Variants in G3BP1 observed in about 807,000 individuals in gnomAD.
G3BP1 encodes ras GTPase-activating protein-binding protein 1.
In G3BP1, 35 loss-of-function variants were observed where a neutral mutation model predicts 58.6. That is an observed-to-expected ratio of 0.60 (90% CI 0.46 to 0.79). G3BP1 has a LOEUF of 0.79. G3BP1 is among the 30% of genes least tolerant of loss of function. The probability of loss-of-function intolerance (pLI) is 0.00; values close to 1 mark genes in which losing one functional copy is unlikely to be tolerated. For missense variants in G3BP1, 523 were observed against 580.8 expected, an observed-to-expected ratio of 0.90 and a Z score of 1.02; for synonymous variants, 191 against 195.4, an observed-to-expected ratio of 0.98 and a Z score of 0.19.
intron 4 of G3BP1, 137 bp downstream of exon 4, chr5:151,791,199 T>C: frequency 1.4e-6 from 1 of 713,546 alleles, no homozygotes; most frequent in Non-Finnish European, 2.5e-6. Context: ...AACTCCTATA[T>C]ACTCCTTACC....
At chr5:151,781,506 T>C in intron 1 of G3BP1, among the ~76,000 whole-genome samples, 1 of 152,212 alleles carries the variant, frequency 6.6e-6, no homozygotes, top group South Asian at 2.1e-4. Flanking sequence ...TTTCATCATG[T>C]TTAGTACAAT....
At position 151,809,642 on chromosome 5, in the gene G3BP1, C is replaced by T. The variant is rs150006943; in HGVS notation, c.*5551C>T. On this transcript the variant is annotated 3_prime_UTR_variant, in exon 12 of 12. Coordinates refer to ENST00000356245, the MANE Select transcript of G3BP1 (RefSeq NM_005754.3). Reference sequence around the variant, plus strand: ...AGGACTAGGAAGTGACTTGTACAACCCCTTCATTTTACAAAGGATCAGAGA... The same window carrying T: ...AGGACTAGGAAGTGACTTGTACAACTCCTTCATTTTACAAAGGATCAGAGA... The T allele has an allele frequency of 1.3e-5, 2 of 152,182 alleles. No individual in the cohort carries two copies. Among genetic ancestry groups the T allele is most frequent in the East Asian group, 3.9e-4 (2 of 5,178 alleles). The allele number at this position is 152,182 out of a possible 1,614,324, so 9.4% of individuals were successfully genotyped here. A position where few individuals can be genotyped will look rare whatever the true frequency, so the allele number is the denominator to read the frequency against.
At position 151,778,792 on chromosome 5, in the gene G3BP1, C is replaced by G. The variant is rs1286062343; in HGVS notation, c.-50+6756C>G. ...GAGATATGGGTCAGGCGCAGTGGCT[C>G]ACACCTGTAATCCCAGCACTTTGGG... On this transcript the variant is annotated intron_variant, in intron 1 of 11. Coordinates refer to ENST00000356245, the MANE Select transcript of G3BP1 (RefSeq NM_005754.3). 2.6e-5 allele frequency among the ~76,000 whole-genome samples: 4 copies of G among 151,460 alleles called. No individual in the cohort carries two copies. In the East Asian group the frequency reaches 7.9e-4, roughly 30 times the overall value.
intron 6 of G3BP1, 80 bp downstream of exon 6, chr5:151,795,655 A>G: frequency 1.5e-6 from 1 of 686,824 alleles, no homozygotes; most frequent in Non-Finnish European, 2.6e-6. Flanking sequence ...GAGGGCATTT[A>G]CATATTCTGA....
chr5:151,779,547 C>T (rs572611423), intron 1 of G3BP1, among the ~76,000 whole-genome samples: 46 of 152,238 alleles, frequency 3.0e-4, no homozygotes, highest in African/African-American at 9.9e-4. Flanking sequence ...TATCTATGTA[C>T]GGTATCTGGT....
intron 1 of G3BP1, among the ~76,000 whole-genome samples, chr5:151,778,449 T>A (rs1056296293): frequency 1.3e-5 from 2 of 152,198 alleles, no homozygotes; most frequent in African/African-American, 2.4e-5. Flanking sequence ...ATTATTAATT[T>A]TTTTGTTTTG....
intron 1 of G3BP1, among the ~76,000 whole-genome samples, chr5:151,777,228 G>A (rs1227763593): frequency 6.6e-6 from 1 of 152,150 alleles, no homozygotes; most frequent in African/African-American, 2.4e-5. Flanking sequence ...AAATTCCCAC[G>A]ATTTAGAGAA....
rs1429693603 is a variant in G3BP1, at chr5:151,794,033, T to C, written c.352-126T>C. Reference sequence around the variant, plus strand: ...CTCAGAACCCCACAACAACAAAAACTGAAATGTCTCCAGATATTGCCAGAT... The same window carrying C: ...CTCAGAACCCCACAACAACAAAAACCGAAATGTCTCCAGATATTGCCAGAT... On this transcript the variant is annotated intron_variant, in intron 4 of 11. Coordinates refer to ENST00000356245, the MANE Select transcript of G3BP1 (RefSeq NM_005754.3). 9 of 619,638 alleles carry C rather than the reference T, an allele frequency of 1.5e-5. No homozygotes were observed. The African/African-American group carries it at 1.7e-4, about 11-fold the overall frequency. The allele number at this position is 619,638 out of a possible 1,614,324, so 38.4% of individuals were successfully genotyped here.
Position 151,811,776 on chromosome 5 carries a change from T to G in G3BP1, c.*7685T>G, listed in dbSNP as rs1763022145. ...AAAAATGTTACATTAAGGAAGCGAT[T>G]GCTTAACACGCTGCTTAAGGTGGTA... On this transcript the variant is annotated 3_prime_UTR_variant, in exon 12 of 12. Coordinates refer to ENST00000356245, the MANE Select transcript of G3BP1 (RefSeq NM_005754.3). The G allele has an allele frequency of 6.6e-6, 1 of 152,188 alleles. No homozygotes were observed. The highest frequency in any genetic ancestry group is 1.5e-5 in the Non-Finnish European group (1 of 68,032). 9.4% of individuals were successfully genotyped at this position (152,188 alleles called of 1,614,324 possible). A position where few individuals can be genotyped will look rare whatever the true frequency, so the allele number is the denominator to read the frequency against.
intron 1 of G3BP1, chr5:151,772,718 G>T (rs1472561105): frequency 6.6e-6 from 1 of 152,304 alleles, no homozygotes; most frequent in Non-Finnish European, 1.5e-5. Flanking sequence ...CGGGTTTGGA[G>T]AGCGGGGTCA....
chr5:151,773,049 G>A (rs1462685307), intron 1 of G3BP1, among the ~76,000 whole-genome samples: 1 of 152,264 alleles, frequency 6.6e-6, no homozygotes, highest in Non-Finnish European at 1.5e-5. Flanking sequence ...AAAACGATGA[G>A]TAAGTGCAAA....
rs1462263352 is a variant in G3BP1 at position 151,803,969 on chromosome 5, C to T, written c.1279C>T (p.Arg427Cys). ...CAGGGAAGGCGACCGACGAGATAAT[C>T]GCCTTCGGGGACCTGGAGGCCCTCG... ...AAREGDRRDNRLRGPGGPRGG... is the reference protein window; with the variant it reads ...AAREGDRRDNCLRGPGGPRGG... The change falls in exon 12 of 12, where the codon CGC becomes TGC. Residue 427 changes from arginine (R) to cysteine (C), a missense_variant. Arg to Cys is a radical substitution (Grantham distance 180). Around this residue, in one of 2 missense-constraint regions of G3BP1, gnomAD observed 125 missense variants for 181.7 expected, o/e 0.69. Coordinates refer to ENST00000356245, the MANE Select transcript of G3BP1 (RefSeq NM_005754.3). The T allele has an allele frequency of 5.0e-6, 8 of 1,613,638 alleles. No homozygotes were observed. Among genetic ancestry groups the T allele is most frequent in the Middle Eastern group, 1.6e-4 (1 of 6,082 alleles).
chr5:151,777,932 T>TTTTTTTTTTTTTTTTTTTTTTTTTTTGAG (rs1762401280), intron 1 of G3BP1, among the ~76,000 whole-genome samples: 1 of 152,126 alleles, frequency 6.6e-6, no homozygotes, highest in African/African-American at 2.4e-5. Context: ...GTTCTTTTTT[T>TTTTTTTTTTTTTTTTTTTTTTTTTTTGAG]AATTGCTCAG....
At chr5:151,798,912 G>A (rs956630153) in intron 7 of G3BP1, among the ~76,000 whole-genome samples, 2 of 152,076 alleles carry the variant, frequency 1.3e-5, no homozygotes, top group Non-Finnish European at 2.9e-5. Flanking sequence ...AATGAGCTGT[G>A]TGCATGCCAC....
intron 1 of G3BP1, among the ~76,000 whole-genome samples, chr5:151,782,813 A>G (rs1411528907): frequency 2.0e-5 from 3 of 147,250 alleles, no homozygotes; most frequent in Non-Finnish European, 4.5e-5. Flanking sequence ...ACAGTGGATT[A>G]GTAACTGGCA....
intron 4 of G3BP1, among the ~76,000 whole-genome samples, chr5:151,792,644 C>T (rs768773944): frequency 6.6e-6 from 1 of 152,050 alleles, no homozygotes; most frequent in Non-Finnish European, 1.5e-5. Flanking sequence ...CCCTGTGTTA[C>T]CCAGGCTGGA....
intron 1 of G3BP1, among the ~76,000 whole-genome samples, chr5:151,783,379 T>C (rs1762504312): frequency 6.6e-6 from 1 of 151,900 alleles, no homozygotes; most frequent in African/African-American, 2.4e-5. Context: ...TTTTCTTTCT[T>C]TTTTTTTGCT....
At chr5:151,784,957 G>C (rs1483364983) in intron 1 of G3BP1, among the ~76,000 whole-genome samples, 1 of 152,184 alleles carries the variant, frequency 6.6e-6, no homozygotes, top group Non-Finnish European at 1.5e-5. Flanking sequence ...AATTTGGTTT[G>C]ACTAACAGCT....
intron 1 of G3BP1, among the ~76,000 whole-genome samples, chr5:151,785,204 T>G (rs945504997): frequency 6.6e-6 from 1 of 152,216 alleles, no homozygotes; most frequent in Non-Finnish European, 1.5e-5. Context: ...GTTACTGATA[T>G]GCTCAATACA....
Sources: allele counts gnomAD v4.1 joint callset (sites outside exome capture counted in the v4.1 genomes callset), GRCh38; gene constraint gnomAD v4.1.1; regional missense constraint gnomAD v4.1.1; transcripts MANE v1.5; gene names NCBI Gene and HGNC (gene_info 2026-07-23, HGNC 2026-07-21).